Variants in ARID1A observed in about 807,000 individuals in gnomAD.
ARID1A encodes the protein AT-rich interaction domain 1A.
Under a neutral mutation model 212.6 loss-of-function variants are expected in ARID1A, and 20 were observed. The observed-to-expected ratio is 0.09, with a 90% CI of 0.07 to 0.14. ARID1A has a LOEUF of 0.14. ARID1A is among the 10% of genes least tolerant of loss of function. ARID1A has a pLI of 1.00. For missense variants in ARID1A, 2,587 were observed against 3,059.0 expected (o/e 0.85, Z 3.64); for synonymous variants, 1,376 against 1,222.1 (o/e 1.13, Z -2.63).
intron 4 of ARID1A, among the ~76,000 whole-genome samples, chr1:26,737,028 G>T (rs2080739100): frequency 6.6e-6 from 1 of 151,846 alleles, no homozygotes; most frequent in Admixed American, 6.6e-5. Flanking sequence ...ACTTTATATA[G>T]CTCTCTGGGA....
In ARID1A at chr1:26,774,341, C is replaced by T. The variant is rs745873673; in HGVS notation, c.4114C>T (p.Pro1372Ser). Residue 1372 changes from proline (P) to serine (S), a missense_variant, in exon 18 of 20, where the codon CCA (proline) becomes TCA (serine). By Grantham distance (74) the Pro-to-Ser change is moderately conservative. This residue lies in a region of ARID1A where 890 missense variants were observed against 1,098.2 expected (regional missense o/e 0.81). Transcript: ENST00000324856. The surrounding 1 kb of genome is among the most constrained non-coding windows in gnomAD (Gnocchi z 5.6). Reference protein sequence around the residue: ...YQQQQQNYKRPMDGTYGPPAK... With the variant: ...YQQQQQNYKRSMDGTYGPPAK... ...GTCTCTGCCTTAGAATTACAAGCGG[C>T]CAATGGATGGCACATATGGCCCTCC... 32 of 1,540,252 alleles carry T rather than the reference C, an allele frequency of 2.1e-5. No homozygotes were observed. The South Asian group carries it at 3.9e-4, about 19-fold the overall frequency.
intron 1 of ARID1A, among the ~76,000 whole-genome samples, chr1:26,717,110 G>A (rs1222315104): frequency 6.6e-6 from 1 of 152,198 alleles, no homozygotes; most frequent in Non-Finnish European, 1.5e-5. Flanking sequence ...TGTACTGTCA[G>A]GATTCTTGGA....
At chr1:26,720,901 G>A (rs189602918) in intron 1 of ARID1A, among the ~76,000 whole-genome samples, 14 of 151,778 alleles carry the variant, frequency 9.2e-5, no homozygotes, top group African/African-American at 2.9e-4. Context: ...TTCCTGGCCC[G>A]GCCCCCATCC....
intron 1 of ARID1A, among the ~76,000 whole-genome samples, chr1:26,707,672 A>G (rs926973685): frequency 1.3e-5 from 2 of 152,130 alleles, no homozygotes; most frequent in Non-Finnish European, 2.9e-5. Flanking sequence ...GATGGCCACC[A>G]TGCATTTGAG....
rs149303066 is a variant in ARID1A, at chr1:26,713,248, A to G, written c.1137+15708A>G. Among the ~76,000 whole-genome samples, 550 of 151,878 alleles carry G rather than the reference A, an allele frequency of 3.6e-3. 3 individuals carry two copies. The highest frequency in any genetic ancestry group is 0.013 in the African/African-American group (524 of 41,374). On this transcript the variant is annotated intron_variant, in intron 1 of 19. Transcript: ENST00000324856. Reference sequence around the variant, plus strand: ...TTTCTCCTTTGATGTCTAACTCTGCATTAGTAGAATGCAGAGCACATGGAA... The same window carrying G: ...TTTCTCCTTTGATGTCTAACTCTGCGTTAGTAGAATGCAGAGCACATGGAA...
In ARID1A at chr1:26,781,802, T is replaced by TG. The variant is rs1557622381; in HGVS notation, c.*1047dup. ...TGTACAGGTCTCTGTAAAAAGTCCT[T>TG]GCTGTCTCAGCAGCCAATCAACTTA... On this transcript the variant is annotated 3_prime_UTR_variant, in exon 20 of 20. Transcript: ENST00000324856. 1 of 233,646 alleles carries TG rather than the reference T, an allele frequency of 4.3e-6. No homozygotes were observed. The highest frequency in any genetic ancestry group is 2.2e-5 in the African/African-American group (1 of 45,372). 14.5% of individuals were successfully genotyped at this position (233,646 alleles called of 1,614,324 possible).
chr1:26,731,415 G>A lies in ARID1A; in HGVS notation c.1614G>A (p.Gln538=), dbSNP rs748820001. 1 of 1,613,734 alleles carries A rather than the reference G, an allele frequency of 6.2e-7. No homozygotes were observed. Among genetic ancestry groups the A allele is most frequent in the South Asian group, 1.1e-5 (1 of 91,038 alleles). The part of the protein sequence containing the change: ...QQSPAPYPSQ[Q]STTQQHPQSQ... ...CCCCGGCTCCATACCCCTCCCAGCA[G>A]TCGACGACACAGCAGCACCCCCAGA... is the stretch of plus-strand genomic sequence containing the variant. The change falls in exon 3 of 20, where the codon CAG becomes CAA. Residue 538 remains glutamine, a synonymous_variant. Coordinates refer to ENST00000324856, the MANE Select transcript of ARID1A (RefSeq NM_006015.6).
At chr1:26,710,272 A>AAT (rs1386446109) in intron 1 of ARID1A, among the ~76,000 whole-genome samples, 2 of 151,430 alleles carry the variant, frequency 1.3e-5, no homozygotes, top group African/African-American at 4.8e-5. Flanking sequence ...CGTCTCTATT[A>AAT]AAAGTACAAA....
At chr1:26,741,631 GA>G (rs1172910891) in intron 4 of ARID1A, among the ~76,000 whole-genome samples, 2 of 151,924 alleles carry the variant, frequency 1.3e-5, no homozygotes, top group African/African-American at 4.8e-5. Flanking sequence ...ACCCTTGGCT[GA>G]AAAAAAGGTA....
At chr1:26,761,548 G>A (rs1349704918) in intron 6 of ARID1A, 75 bp downstream of exon 6, 1 of 1,426,942 alleles carries the variant, frequency 7.0e-7, no homozygotes, top group Non-Finnish European at 9.8e-7. Context: ...AGCTTTTGGA[G>A]AGCTGTTTGA....
intron 4 of ARID1A, among the ~76,000 whole-genome samples, chr1:26,740,391 C>T (rs1321163447): frequency 6.6e-6 from 1 of 152,156 alleles, no homozygotes; most frequent in Non-Finnish European, 1.5e-5. Context: ...GTCACTGATC[C>T]ATTTATGTCT....
At chr1:26,753,590 C>T (rs907706121) in intron 4 of ARID1A, among the ~76,000 whole-genome samples, 2 of 152,336 alleles carry the variant, frequency 1.3e-5, no homozygotes, top group South Asian at 2.1e-4. Context: ...ATTGGAAACA[C>T]GTGAGGAAAT....
At chr1:26,741,992 T>C (rs2080792380) in intron 4 of ARID1A, among the ~76,000 whole-genome samples, 1 of 152,172 alleles carries the variant, frequency 6.6e-6, no homozygotes, top group Non-Finnish European at 1.5e-5. Context: ...TCTGAAAAGA[T>C]AGGAATTGGA....
At chr1:26,710,500 C>CACACACAA (rs1375604637) in intron 1 of ARID1A, among the ~76,000 whole-genome samples, 2 of 148,358 alleles carry the variant, frequency 1.3e-5, no homozygotes, top group Non-Finnish European at 3.0e-5. Flanking sequence ...TACATACACA[C>CACACACAA]ACACACACAC....
chr1:26,710,494 T>TACACACACACAC (rs61663540), intron 1 of ARID1A, among the ~76,000 whole-genome samples: 28,209 of 131,242 alleles, frequency 0.21, 3,312 homozygotes, highest in Middle Eastern at 0.27. Flanking sequence ...AAATAATACA[T>TACACACACACAC]ACACACACAC....
intron 4 of ARID1A, among the ~76,000 whole-genome samples, chr1:26,747,112 GT>G (rs1409977066): frequency 6.6e-6 from 1 of 152,116 alleles, no homozygotes; most frequent in Non-Finnish European, 1.5e-5. Context: ...TAGCCCTATT[GT>G]TTTTTTCTTT....
intron 1 of ARID1A, among the ~76,000 whole-genome samples, chr1:26,727,369 G>A (rs2124781919): frequency 6.6e-6 from 1 of 152,154 alleles, no homozygotes. Context: ...AACATAATAA[G>A]CCACTAGCCA....
intron 4 of ARID1A, among the ~76,000 whole-genome samples, chr1:26,733,940 G>C (rs1226786707): frequency 6.6e-6 from 1 of 152,232 alleles, no homozygotes; most frequent in African/African-American, 2.4e-5. Context: ...GAAGGTCTCT[G>C]AGACACCTCA....
chr1:26,735,136 G>GT, intron 4 of ARID1A, among the ~76,000 whole-genome samples: 1 of 78,108 alleles, frequency 1.3e-5, no homozygotes, highest in South Asian at 3.6e-4. Context: ...TTTTTTTTTT[G>GT]GGGGGAGAGA....
Sources: gnomAD v4.1 joint callset for allele counts (sites outside exome capture counted in the v4.1 genomes callset) on GRCh38, gnomAD v4.1.1 for gene constraint, gnomAD v4.1.1 regional missense constraint, Gnocchi (gnomAD v3.1) non-coding constraint, MANE v1.5 for transcripts, NCBI Gene and HGNC (gene_info 2026-07-23, HGNC 2026-07-21) for gene names.